Variants in LRPPRC observed in about 807,000 individuals in gnomAD.
LRPPRC encodes the protein leucine-rich PPR motif-containing protein, mitochondrial.
In LRPPRC, 120 loss-of-function variants were observed where a neutral mutation model predicts 180.3. That is an observed-to-expected ratio of 0.67 (90% CI 0.57 to 0.77). The LOEUF is 0.77. Among genes scored for constraint, LRPPRC ranks in the 30% least tolerant of loss-of-function variants. The pLI, the probability that LRPPRC is intolerant of heterozygous loss-of-function variation, is 0.00. For missense variants in LRPPRC, 2,012 were observed against 1,657.2 expected, an observed-to-expected ratio of 1.21 and a Z score of -3.72; for synonymous variants, 723 against 600.0, an observed-to-expected ratio of 1.21 and a Z score of -3.00.
At chr2:43,972,008 C>T (rs1172477522) in intron 11 of LRPPRC, among the ~76,000 whole-genome samples, 1 of 152,028 alleles carries the variant, frequency 6.6e-6, no homozygotes, top group East Asian at 1.9e-4. Context: ...CAATGTTATT[C>T]GTGTAAAAAC....
rs562093640 is a variant in LRPPRC at position 43,890,948 on chromosome 2, C to A, written c.3986-1072G>T. On this transcript the variant is annotated intron_variant, in intron 36 of 37. Coordinates refer to ENST00000260665, the MANE Select transcript of LRPPRC (RefSeq NM_133259.4). ...TGTTAGCATCTAAGCATCACATAAACCCCTGCCCTACACTGACTCTGATAT... is the reference window on the plus strand; with the variant it reads ...TGTTAGCATCTAAGCATCACATAAAACCCTGCCCTACACTGACTCTGATAT... Among the ~76,000 whole-genome samples, 29 of 152,262 alleles carry A rather than the reference C, an allele frequency of 1.9e-4. 1 individual carries two copies. In the South Asian group the frequency reaches 6.0e-3, roughly 32 times the overall value.
intron 12 of LRPPRC, among the ~76,000 whole-genome samples, chr2:43,961,091 T>C (rs1673328655): frequency 6.6e-6 from 1 of 152,194 alleles, no homozygotes; most frequent in Non-Finnish European, 1.5e-5. Flanking sequence ...AATCATTTTA[T>C]TATAGTATAT....
rs372334583 is a variant in LRPPRC at position 43,901,328 on chromosome 2, T to C, written c.3561A>G (p.Gln1187=). ...GGCTTGCAAATACTCACTTCTTTAT[T>C]TGAGCCAAAGCAATGTTATTGATGA... ...MVFINNIALA[Q]IKNNNIDAAI... is the part of the protein sequence containing the mutation. The change falls in exon 32 of 38, where the codon CAA becomes CAG. Residue 1187 remains glutamine (Q), a synonymous_variant. Coordinates refer to ENST00000260665, the MANE Select transcript of LRPPRC (RefSeq NM_133259.4). The C allele has an allele frequency of 2.5e-6, 4 of 1,613,164 alleles. No homozygotes were observed. The African/African-American group carries it at 4.0e-5, about 16-fold the overall frequency.
chr2:43,907,037 A>G (rs1358316298), intron 30 of LRPPRC, among the ~76,000 whole-genome samples: 1 of 152,224 alleles, frequency 6.6e-6, no homozygotes, highest in East Asian at 1.9e-4. Context: ...GACACTATTA[A>G]AAGCTCACTT....
In LRPPRC at chr2:43,934,814, T is replaced by C. The variant is rs200138144; in HGVS notation, c.2569A>G (p.Arg857Gly). The change falls in exon 24 of 38, where the codon AGG (arginine) becomes GGG (glycine). Residue 857 changes from arginine (R) to glycine (G), a missense_variant. By Grantham distance (125) the Arg-to-Gly change is moderately radical. Coordinates refer to ENST00000260665, the MANE Select transcript of LRPPRC (RefSeq NM_133259.4). Reference sequence around the variant, plus strand: ...AGTTTACACAAGACATCATGAATCCTTGGTAATACTTTATACTTTTCATAG... The same window carrying C: ...AGTTTACACAAGACATCATGAATCCCTGGTAATACTTTATACTTTTCATAG... The part of the protein sequence containing the change: ...DCYEKYKVLP[R>G]IHDVLCKLVE... The C allele has an allele frequency of 7.7e-5, 124 of 1,611,496 alleles. No homozygotes were observed. The highest frequency in any genetic ancestry group is 3.8e-4 in the Admixed American group (23 of 59,992).
chr2:43,954,702 T>C (rs996311450), intron 14 of LRPPRC, among the ~76,000 whole-genome samples: 1 of 152,222 alleles, frequency 6.6e-6, no homozygotes, highest in Admixed American at 6.5e-5. Flanking sequence ...CATATACATA[T>C]GGACATAATA....
chr2:43,944,666 A>T (rs1047910356), intron 22 of LRPPRC, among the ~76,000 whole-genome samples: 2 of 152,110 alleles, frequency 1.3e-5, no homozygotes, highest in Non-Finnish European at 2.9e-5. Context: ...AAAGGAAAAG[A>T]GGAAGGCTAA....
At chr2:43,917,352 TTCG>T (rs1553395878) in intron 29 of LRPPRC, among the ~76,000 whole-genome samples, 1 of 151,914 alleles carries the variant, frequency 6.6e-6, no homozygotes, top group Non-Finnish European at 1.5e-5. Flanking sequence ...CCCGGCCTGC[TTCG>T]TTTTTTATAG....
At chr2:43,976,835 T>G (rs189701914) in intron 5 of LRPPRC, among the ~76,000 whole-genome samples, 159 bp downstream of exon 5, 1 of 152,192 alleles carries the variant, frequency 6.6e-6, no homozygotes, top group Non-Finnish European at 1.5e-5. Context: ...ACGATAATTT[T>G]ATATTTTATG....
At chr2:43,988,014 T>G (rs534386221) in intron 1 of LRPPRC, among the ~76,000 whole-genome samples, 101 of 151,982 alleles carry the variant, frequency 6.6e-4, no homozygotes, top group African/African-American at 2.2e-3. Flanking sequence ...GAGGCCGAGG[T>G]AGGCAGATCA....
intron 2 of LRPPRC, 37 bp from the exon 3 acceptor site, chr2:43,979,985 G>C: frequency 6.3e-7 from 1 of 1,599,270 alleles, no homozygotes; most frequent in Non-Finnish European, 8.6e-7. Flanking sequence ...ATTTAACATA[G>C]CAGCAATATC....
chr2:43,951,253 A>G (rs987312512), intron 14 of LRPPRC, among the ~76,000 whole-genome samples: 1 of 152,236 alleles, frequency 6.6e-6, no homozygotes, highest in East Asian at 1.9e-4. Flanking sequence ...AGTGAAGAAT[A>G]AAATACAGTA....
intron 35 of LRPPRC, among the ~76,000 whole-genome samples, chr2:43,895,934 A>T (rs6720846): frequency 0.54 from 81,621 of 151,780 alleles, 24,334 homozygotes; most frequent in East Asian, 0.95. Flanking sequence ...TTTTTAAAAA[A>T]TTTTTTCAAA....
Position 43,995,930 on chromosome 2 carries a change from T to C in LRPPRC, c.18A>G (p.Arg6=), listed in dbSNP as rs1237400721. 6.6e-7 allele frequency: 1 copy of C among 1,521,090 alleles called. No homozygotes were observed. The highest frequency in any genetic ancestry group is 8.8e-7 in the Non-Finnish European group (1 of 1,141,368). 94.2% of individuals were successfully genotyped at this position (1,521,090 alleles called of 1,614,324 possible). MAALL[R]SARWLLRAGA... ...CGGCACGCAGCAACCAACGCGCGGA[T>C]CTCAGCAGGGCTGCCATTGCTCGAA... The change falls in exon 1 of 38, where the codon AGA becomes AGG. Residue 6 remains arginine, a synonymous_variant. Coordinates refer to ENST00000260665, the MANE Select transcript of LRPPRC (RefSeq NM_133259.4).
At position 43,946,213 on chromosome 2, in the gene LRPPRC, T is replaced by G; in HGVS notation, c.2110A>C (p.Lys704Gln). The change falls in exon 21 of 38, where the codon AAA becomes CAA. Residue 704 changes from lysine to glutamine, a missense_variant. Physicochemically the swap from Lys to Gln is moderately conservative, Grantham distance 53. Transcript: ENST00000260665. Reference protein sequence around the residue: ...NMQKALELKAKYESDMVTGGY... With the variant: ...NMQKALELKAQYESDMVTGGY... ...CCAGTAACCATGTCGGATTCATATT[T>G]TGCTTTCAATTCAAGGGCTTTTTGC... 1 of 1,611,892 alleles carries G rather than the reference T, an allele frequency of 6.2e-7. No individual in the cohort carries two copies. The highest frequency in any genetic ancestry group is 2.2e-5 in the East Asian group (1 of 44,766).
intron 16 of LRPPRC, among the ~76,000 whole-genome samples, chr2:43,948,789 G>A (rs914013293): frequency 1.3e-5 from 2 of 151,990 alleles, no homozygotes; most frequent in South Asian, 4.1e-4. Flanking sequence ...ACCACTCTGT[G>A]ACAGAAGTGG....
intron 12 of LRPPRC, 22 bp from the exon 13 acceptor site, chr2:43,960,656 A>G (rs1226732617): frequency 3.8e-6 from 4 of 1,053,948 alleles, no homozygotes; most frequent in Non-Finnish European, 6.0e-6. Flanking sequence ...GCATATATCA[A>G]TGAGAATACA....
chr2:43,971,810 T>C (rs531972693), intron 11 of LRPPRC, among the ~76,000 whole-genome samples: 144 of 152,264 alleles, frequency 9.5e-4, no homozygotes, highest in African/African-American at 3.4e-3. Flanking sequence ...TTCTCTGTTA[T>C]ATAAAAGAAG....
In LRPPRC at chr2:43,945,389, C is replaced by G; in HGVS notation, c.2239G>C (p.Asp747His). The G allele has an allele frequency of 6.2e-7, 1 of 1,612,184 alleles. No individual in the cohort carries two copies. The highest frequency in any genetic ancestry group is 8.5e-7 in the Non-Finnish European group (1 of 1,178,446). ...FDRLDSSAVLDTGKYVGLVRV... is the reference protein window; with the variant it reads ...FDRLDSSAVLHTGKYVGLVRV... ...ACAAGGCCTACATACTTGCCGGTGT[C>G]AAGGACAGCAGATGAATCTAAGCGG... The change falls in exon 22 of 38, where the codon GAC becomes CAC. Residue 747 changes from aspartate to histidine, a missense_variant. By Grantham distance (81) the Asp-to-His change is moderately conservative (BLOSUM62 -1). Coordinates refer to ENST00000260665, the MANE Select transcript of LRPPRC (RefSeq NM_133259.4).
Sources: gnomAD v4.1 joint callset for allele counts (sites outside exome capture counted in the v4.1 genomes callset) on GRCh38, gnomAD v4.1.1 for gene constraint, MANE v1.5 for transcripts, NCBI Gene and HGNC (gene_info 2026-07-23, HGNC 2026-07-21) for gene names.